Variants in CEP15 observed in about 807,000 individuals in gnomAD.
CEP15 encodes centrosomal protein 15, also known as centrosomal protein 15 kDa.
chr3:62,320,602 A>C, the CEP15 span: 1 of 1,118,314 alleles, frequency 8.9e-7, no homozygotes, highest in East Asian at 2.4e-5. Flanking sequence ...ACACAGGATG[A>C]CTTAAAAATT....
the CEP15 span, chr3:62,320,335 T>C: frequency 1.6e-6 from 1 of 618,748 alleles, no homozygotes. Context: ...TATACATTAT[T>C]ACATCTTAAG....
chr3:62,332,673 G>A, the CEP15 span, among the ~76,000 whole-genome samples: 2 of 152,050 alleles, frequency 1.3e-5, no homozygotes, highest in East Asian at 3.9e-4. Context: ...AAATTATATT[G>A]ACATTTTGTC....
At chr3:62,331,127 T>G in the CEP15 span, among the ~76,000 whole-genome samples, 1 of 151,708 alleles carries the variant, frequency 6.6e-6, no homozygotes, top group Non-Finnish European at 1.5e-5. Context: ...CCTATCAAAA[T>G]AAGAAATGCT....
At chr3:62,333,644 AAATT>A in the CEP15 span, 4 of 284,710 alleles carry the variant, frequency 1.4e-5, no homozygotes, top group African/African-American at 2.2e-5. This position sits in a 1 kb window ranked among gnomAD's most constrained non-coding sequence, Gnocchi z 4.0. Context: ...TTTATTAATT[AAATT>A]ATTGTCAGTG....
chr3:62,327,805 G>C, the CEP15 span, among the ~76,000 whole-genome samples: 2 of 152,046 alleles, frequency 1.3e-5, no homozygotes, highest in Non-Finnish European at 2.9e-5. Flanking sequence ...TGGTTCTCTG[G>C]CATCCTCTAA....
chr3:62,331,272 C>A, the CEP15 span: 1 of 1,487,082 alleles, frequency 6.7e-7, no homozygotes, highest in Non-Finnish European at 9.4e-7. Flanking sequence ...AGTACAGGTG[C>A]CATTTGTTTT....
chr3:62,331,529 G>A, the CEP15 span: 3 of 746,548 alleles, frequency 4.0e-6, no homozygotes, highest in South Asian at 3.5e-5. Flanking sequence ...AGATATGCCT[G>A]TTTGAGCTTT....
At chr3:62,330,357 G>C in the CEP15 span, among the ~76,000 whole-genome samples, 15 of 152,214 alleles carry the variant, frequency 9.9e-5, no homozygotes, top group South Asian at 3.1e-3. Context: ...AAGCTCAAAA[G>C]AGAGACAAAA....
the CEP15 span, chr3:62,333,767 G>A: frequency 6.3e-6 from 1 of 159,560 alleles, no homozygotes; most frequent in Non-Finnish European, 1.3e-5. The surrounding 1 kb of genome is among the most constrained non-coding windows in gnomAD (Gnocchi z 4.0). Context: ...ACTTTTTAGG[G>A]ACAAGGTATA....
the CEP15 span, among the ~76,000 whole-genome samples, chr3:62,328,908 T>C: frequency 6.6e-6 from 1 of 151,962 alleles, no homozygotes; most frequent in African/African-American, 2.4e-5. Flanking sequence ...GTTTTTTTTT[T>C]TTTTTTTTCA....
At chr3:62,323,850 C>T in the CEP15 span, 1 of 152,112 alleles carries the variant, frequency 6.6e-6, no homozygotes, top group African/African-American at 2.4e-5. Context: ...TCCATATCAT[C>T]CTATTGATCT....
the CEP15 span, chr3:62,322,546 G>T: frequency 6.4e-6 from 1 of 155,690 alleles, no homozygotes; most frequent in Non-Finnish European, 1.4e-5. This position sits in a 1 kb window ranked among gnomAD's most constrained non-coding sequence, Gnocchi z 5.5. Flanking sequence ...TGATGGATAT[G>T]GAGGAGTGGT....
chr3:62,329,945 T>C, the CEP15 span, among the ~76,000 whole-genome samples: 1 of 152,198 alleles, frequency 6.6e-6, no homozygotes, highest in Non-Finnish European at 1.5e-5. Flanking sequence ...GTTATTAGGC[T>C]TCTGTATCTG....
chr3:62,331,000 A>G, the CEP15 span, among the ~76,000 whole-genome samples: 1 of 152,076 alleles, frequency 6.6e-6, no homozygotes, highest in Admixed American at 6.6e-5. Context: ...TAGTGATGTA[A>G]GAGCTAAATT....
the CEP15 span, among the ~76,000 whole-genome samples, chr3:62,324,971 A>G: frequency 1.3e-5 from 2 of 152,348 alleles, no homozygotes; most frequent in African/African-American, 4.8e-5. Context: ...TTGTTCTAAA[A>G]GTAGTATAAT....
chr3:62,324,716 A>C, the CEP15 span, among the ~76,000 whole-genome samples: 1 of 152,168 alleles, frequency 6.6e-6, no homozygotes, highest in Non-Finnish European at 1.5e-5. Context: ...GTTAAGTTAC[A>C]TCTAGGACAG....
At chr3:62,319,640 G>C in the CEP15 span, 1 of 152,220 alleles carries the variant, frequency 6.6e-6, no homozygotes, top group Non-Finnish European at 1.5e-5. Context: ...AATCTTTATA[G>C]AGTGCATAGA....
At chr3:62,331,041 T>A in the CEP15 span, among the ~76,000 whole-genome samples, 1 of 152,116 alleles carries the variant, frequency 6.6e-6, no homozygotes, top group African/African-American at 2.4e-5. Flanking sequence ...AAGACACTCT[T>A]GGTGCATGAA....
the CEP15 span, among the ~76,000 whole-genome samples, chr3:62,326,881 GACTATTTT>G: frequency 6.6e-6 from 1 of 151,966 alleles, no homozygotes; most frequent in Non-Finnish European, 1.5e-5. Flanking sequence ...AAATTATAAG[GACTATTTT>G]ACTATTTTAA....
Sources: gnomAD v4.1 joint callset for allele counts (sites outside exome capture counted in the v4.1 genomes callset) on GRCh38, gnomAD v4.1.1 for gene constraint, Gnocchi (gnomAD v3.1) non-coding constraint, MANE v1.5 for transcripts, NCBI Gene and HGNC (gene_info 2026-07-23, HGNC 2026-07-21) for gene names.